The following DEDD2 variants were observed in gnomAD, a reference collection of about 807,000 sequenced individuals.
The protein encoded by DEDD2 is DNA-binding death effector domain-containing protein 2.
Under a neutral mutation model 28.9 loss-of-function variants are expected in DEDD2, and 18 were observed. The ratio of observed to expected loss-of-function variants is 0.62; its 90% confidence interval spans 0.43 to 0.92. The LOEUF is 0.92. Among genes scored for constraint, DEDD2 ranks in the 40% least tolerant of loss-of-function variants. The probability of loss-of-function intolerance (pLI) is 0.00; values close to 1 mark genes in which losing one functional copy is unlikely to be tolerated. For synonymous variants in DEDD2, 211 were observed against 206.1 expected (o/e 1.02, Z -0.20); for missense variants, 411 against 463.3 (o/e 0.89, Z 1.04).
In DEDD2 at chr19:42,216,621, C is replaced by T. The variant is rs1287933764; in HGVS notation, c.328+59G>A. 68 of 1,475,464 alleles carry T rather than the reference C, an allele frequency of 4.6e-5. 2 individuals are homozygous for T. In the Admixed American group the frequency reaches 1.8e-3, roughly 39 times the overall value. 91.4% of individuals were successfully genotyped at this position (1,475,464 alleles called of 1,614,324 possible). A position where few individuals can be genotyped will look rare whatever the true frequency, so the allele number is the denominator to read the frequency against. ...GTCCGTATCAGGGCACCAGGGAGGC[C>T]CAGCGGGAGCCAGGCCCTTTCCTCC... is the stretch of plus-strand genomic sequence containing the variant. On this transcript the variant is annotated intron_variant, in intron 2 of 4. Transcript: ENST00000596251.
In DEDD2 at chr19:42,209,846, G is replaced by A. The variant is rs2146884474; in HGVS notation, c.449-6C>T. ...CCGCTTGGTTGGGGGGGAGCCTGAG[G>A]GGAAAAAAATGGGGCAAGTTGAGGA... On this transcript the variant is annotated splice_region_variant and splice_polypyrimidine_tract_variant and intron_variant, in intron 3 of 4. Transcript: ENST00000596251. 2.6e-6 allele frequency: 4 copies of A among 1,509,876 alleles called. No homozygotes were observed. In the East Asian group the frequency reaches 1.0e-4, roughly 39 times the overall value. 93.5% of individuals were successfully genotyped at this position (1,509,876 alleles called of 1,614,324 possible).
intron 3 of DEDD2, 109 bp downstream of exon 3, chr19:42,215,024 C>T (rs2035909733): frequency 6.8e-7 from 1 of 1,472,808 alleles, no homozygotes; most frequent in Non-Finnish European, 9.2e-7. Context: ...CACACACACA[C>T]ACACACAGTG....
chr19:42,206,093 A>C lies in DEDD2; in HGVS notation c.589+3607T>G, dbSNP rs532053559. 1.6e-4 allele frequency among the ~76,000 whole-genome samples: 25 copies of C among 151,942 alleles called. No homozygotes were observed. In the East Asian group the frequency reaches 4.8e-3, roughly 29 times the overall value. On this transcript the variant is annotated intron_variant, in intron 4 of 4. Transcript: ENST00000596251. ...AGACCCTGTCTCATAATTTAAAAAA[A>C]AAAAAAAAAATTGCAGGGGAGAAGC...
chr19:42,204,405 T>G (rs1453678261), intron 4 of DEDD2: 1 of 151,770 alleles, frequency 6.6e-6, no homozygotes, highest in Non-Finnish European at 1.5e-5. Flanking sequence ...CTTGCTCTGG[T>G]ATTTCCCGTG....
At chr19:42,200,079 C>T (rs2035272142) in intron 4 of DEDD2, among the ~76,000 whole-genome samples, 1 of 152,158 alleles carries the variant, frequency 6.6e-6, no homozygotes. Flanking sequence ...TGGATCTGCA[C>T]AACACTTGCT....
chr19:42,209,082 A>C (rs1289474016), intron 4 of DEDD2, among the ~76,000 whole-genome samples: 3 of 152,106 alleles, frequency 2.0e-5, no homozygotes, highest in African/African-American at 7.2e-5. Context: ...ACTAACTAAA[A>C]ATACAAAAAT....
intron 3 of DEDD2, 117 bp downstream of exon 3, chr19:42,215,000 AACACACACACACACAC>A (rs35862480): frequency 6.2e-5 from 65 of 1,041,414 alleles, no homozygotes; most frequent in East Asian, 8.1e-5. Flanking sequence ...TGTAGCAATA[AACACACACACACACAC>A]ACACACACAC....
At position 42,209,800 on chromosome 19, in the gene DEDD2, C is replaced by A; in HGVS notation, c.489G>T (p.Arg163=). 1 of 1,571,578 alleles carries A rather than the reference C, an allele frequency of 6.4e-7. No individual in the cohort carries two copies. Among genetic ancestry groups the A allele is most frequent in the South Asian group, 1.2e-5 (1 of 86,390 alleles). Reference sequence around the variant, plus strand: ...GCCGCCGTCTGGCACCACCACTGGGCCGGCCCCGACTCCGCCGCTGCCGCT... The same window carrying A: ...GCCGCCGTCTGGCACCACCACTGGGACGGCCCCGACTCCGCCGCTGCCGCT... The part of the protein sequence containing the change: ...PTKRQRRSRG[R]PSGGARRRRR... The change falls in exon 4 of 5, where the codon CGG becomes CGT. Residue 163 remains arginine, a synonymous_variant. Transcript: ENST00000596251.
At chr19:42,200,478 C>G (rs924393122) in intron 4 of DEDD2, among the ~76,000 whole-genome samples, 2 of 152,256 alleles carry the variant, frequency 1.3e-5, no homozygotes, top group African/African-American at 4.8e-5. Context: ...ATGGTGCCAA[C>G]CACATCCCCA....
chr19:42,217,185 C>A (rs2033970250), intron 1 of DEDD2, 140 bp from the exon 2 acceptor site: 4 of 655,546 alleles, frequency 6.1e-6, no homozygotes, highest in Non-Finnish European at 1.0e-5. Context: ...TCCCCCTCCC[C>A]CGGGAGGGAA....
chr19:42,209,572 T>G (rs983540011), intron 4 of DEDD2, 128 bp downstream of exon 4: 85 of 1,325,688 alleles, frequency 6.4e-5, no homozygotes, highest in Non-Finnish European at 7.7e-5. Context: ...AGAATTCCAC[T>G]GTGGTGAACG....
chr19:42,216,871 GC>G lies in DEDD2; in HGVS notation c.136del (p.Ala46ProfsTer14). On this transcript the variant is annotated frameshift_variant, in exon 2 of 5. Coordinates refer to ENST00000596251, the MANE Select transcript of DEDD2 (RefSeq NM_133328.4). LOFTEE classifies it high-confidence loss of function. ...QLTECELELL[A>X]FLLDEAPGAA... ...GCCAGGAGCCTCATCCAGCAGAAAGGCCAGGAGCTCCAGCTCGCACTCGGTC... is the reference window on the plus strand; with the variant it reads ...GCCAGGAGCCTCATCCAGCAGAAAGGCAGGAGCTCCAGCTCGCACTCGGTC... The G allele has an allele frequency of 6.3e-7, 1 of 1,595,982 alleles. No homozygotes were observed. Among genetic ancestry groups the G allele is most frequent in the Non-Finnish European group, 8.5e-7 (1 of 1,171,900 alleles).
Position 42,216,873 on chromosome 19 carries a change from C to T in DEDD2, c.135G>A (p.Leu45=), listed in dbSNP as rs1199145179. ...CAGGAGCCTCATCCAGCAGAAAGGC[C>T]AGGAGCTCCAGCTCGCACTCGGTCA... ...GQLTECELEL[L]AFLLDEAPGA... is the part of the protein sequence containing the mutation. The change falls in exon 2 of 5, where the codon CTG becomes CTA. Residue 45 remains leucine (L), a synonymous_variant. Transcript: ENST00000596251. 6.3e-7 allele frequency: 1 copy of T among 1,596,292 alleles called. No individual in the cohort carries two copies. Among genetic ancestry groups the T allele is most frequent in the East Asian group, 2.3e-5 (1 of 43,594 alleles).
chr19:42,206,322 T>C lies in DEDD2; in HGVS notation c.589+3378A>G, dbSNP rs371364214. 5.5e-4 allele frequency among the ~76,000 whole-genome samples: 84 copies of C among 152,234 alleles called. 2 individuals are homozygous for C. The East Asian group carries it at 0.012, about 22-fold the overall frequency. ...AGCACTGGCACATCCCACTTGGGCCTGTGCTCCCGCTGTCCTCTCCATCGG... is the reference window on the plus strand; with the variant it reads ...AGCACTGGCACATCCCACTTGGGCCCGTGCTCCCGCTGTCCTCTCCATCGG... On this transcript the variant is annotated intron_variant, in intron 4 of 4. Transcript: ENST00000596251.
chr19:42,202,284 A>T (rs1200863474), intron 4 of DEDD2, among the ~76,000 whole-genome samples: 1 of 151,130 alleles, frequency 6.6e-6, no homozygotes, highest in Non-Finnish European at 1.5e-5. Context: ...TCCTCCTTGG[A>T]CTCCTCCAGT....
upstream of DEDD2, among the ~76,000 whole-genome samples, chr19:42,218,715 C>T (rs2036070634): frequency 1.3e-5 from 2 of 152,252 alleles, no homozygotes. Context: ...CCAGTACTGG[C>T]TCTGCCTGAG....
chr19:42,215,443 G>A (rs557746587), intron 2 of DEDD2, among the ~76,000 whole-genome samples, 191 bp from the exon 3 acceptor site: 1 of 152,286 alleles, frequency 6.6e-6, no homozygotes, highest in East Asian at 1.9e-4. Flanking sequence ...ACGACTTGGG[G>A]CAATCTAACC....
chr19:42,206,105 TGCA>T (rs2035523604), intron 4 of DEDD2, among the ~76,000 whole-genome samples: 1 of 150,104 alleles, frequency 6.7e-6, no homozygotes, highest in Non-Finnish European at 1.5e-5. Flanking sequence ...AAAAAAAAAT[TGCA>T]GGGGAGAAGC....
chr19:42,206,628 C>T (rs76524288), intron 4 of DEDD2, among the ~76,000 whole-genome samples: 4,249 of 152,248 alleles, frequency 0.028, 208 homozygotes, highest in African/African-American at 0.096. Flanking sequence ...GTAGTGCCCA[C>T]CACAGACCCT....
Sources: gnomAD v4.1 joint callset for allele counts (sites outside exome capture counted in the v4.1 genomes callset) on GRCh38, gnomAD v4.1.1 for gene constraint, MANE v1.5 for transcripts, NCBI Gene and HGNC (gene_info 2026-07-23, HGNC 2026-07-21) for gene names.